GNB1: variants seen among roughly 807,000 people sequenced by gnomAD.
GNB1 encodes the protein guanine nucleotide-binding protein G(I)/G(S)/G(T) subunit beta-1.
GNB1 carries 2 observed loss-of-function variants against 42.9 expected under a neutral mutation model. That is an observed-to-expected ratio of 0.05 (90% CI 0.02 to 0.15). GNB1 has a LOEUF of 0.15. Among genes scored for constraint, GNB1 ranks in the 10% least tolerant of loss-of-function variants. GNB1 has a pLI of 1.00. For missense variants in GNB1, 193 were observed against 462.2 expected, an observed-to-expected ratio of 0.42 and a Z score of 5.34; for synonymous variants, 183 against 174.7, an observed-to-expected ratio of 1.05 and a Z score of -0.38.
At chr1:1,843,393 A>T (rs1048420095) in intron 1 of GNB1, among the ~76,000 whole-genome samples, 10 of 151,734 alleles carry the variant, frequency 6.6e-5, no homozygotes, top group Admixed American at 2.0e-4. Context: ...CTAATTAAAA[A>T]ATATATATAT....
At chr1:1,789,397 A>C in intron 9 of GNB1, 128 bp from the exon 10 acceptor site, 1 of 643,126 alleles carries the variant, frequency 1.6e-6, no homozygotes, top group Non-Finnish European at 2.8e-6. Flanking sequence ...TGCTCTGGTA[A>C]GAACAGAGGG....
chr1:1,805,518 A>G (rs1441042978), intron 6 of GNB1, among the ~76,000 whole-genome samples: 1 of 152,092 alleles, frequency 6.6e-6, no homozygotes, highest in Admixed American at 6.6e-5. Context: ...ATCCTGTCAA[A>G]TGGCTATGAA....
At chr1:1,847,655 G>A (rs551521018) in intron 1 of GNB1, among the ~76,000 whole-genome samples, 24 of 152,320 alleles carry the variant, frequency 1.6e-4, no homozygotes, top group African/African-American at 5.5e-4. Context: ...AGAAAAAGCT[G>A]TGAAGGCCAT....
intron 5 of GNB1, among the ~76,000 whole-genome samples, chr1:1,810,535 CAAA>C (rs1213355902): frequency 0.016 from 1,136 of 73,122 alleles, 13 homozygotes; most frequent in African/African-American, 0.055. Context: ...GACCCAGTCT[CAAA>C]AAAAAAAAAA....
rs954288793 is a variant in GNB1, at chr1:1,793,163, C to T, written c.497+82G>A. ...GATGGCCTAATATTATGTCAAGAAC[C>T]TTATTTCCTCCATGTTCACAGAGGA... is the stretch of plus-strand genomic sequence containing the variant. On this transcript the variant is annotated intron_variant, in intron 8 of 11. Transcript: ENST00000378609. The T allele has an allele frequency of 1.1e-5, 9 of 801,084 alleles. No individual in the cohort carries two copies. In the African/African-American group the frequency reaches 1.2e-4, roughly 11 times the overall value. The allele number at this position is 801,084 out of a possible 1,614,324, so 49.6% of individuals were successfully genotyped here. A position where few individuals can be genotyped will look rare whatever the true frequency, so the allele number is the denominator to read the frequency against.
chr1:1,821,194 G>T (rs1208750430), intron 3 of GNB1, among the ~76,000 whole-genome samples: 1 of 152,168 alleles, frequency 6.6e-6, no homozygotes, highest in East Asian at 1.9e-4. Flanking sequence ...TTTGGACCGG[G>T]CATCCATTGC....
intron 1 of GNB1, among the ~76,000 whole-genome samples, chr1:1,861,171 G>C (rs945067409): frequency 6.7e-6 from 1 of 149,424 alleles, no homozygotes; most frequent in Admixed American, 6.7e-5. Flanking sequence ...ACAAAACCCA[G>C]CACAGCTGCG....
chr1:1,818,795 G>A (rs964568599), intron 3 of GNB1, among the ~76,000 whole-genome samples: 25 of 152,080 alleles, frequency 1.6e-4, no homozygotes, highest in African/African-American at 5.3e-4. Flanking sequence ...CCCGGGAGGC[G>A]GAGGTTGCAG....
chr1:1,824,870 C>T (rs969292145), intron 3 of GNB1: 5 of 152,206 alleles, frequency 3.3e-5, no homozygotes, highest in African/African-American at 9.7e-5. Context: ...CCCCCACACC[C>T]GGCCTCTATC....
intron 1 of GNB1, among the ~76,000 whole-genome samples, chr1:1,874,965 C>T (rs995770796): frequency 3.9e-5 from 6 of 152,180 alleles, no homozygotes; most frequent in African/African-American, 1.4e-4. Flanking sequence ...CTCAGATCAT[C>T]AGGCATTAGA....
chr1:1,849,687 C>T (rs1647875114), intron 1 of GNB1, among the ~76,000 whole-genome samples: 1 of 152,148 alleles, frequency 6.6e-6, no homozygotes, highest in South Asian at 2.1e-4. Flanking sequence ...AGGTATGACC[C>T]ACCATGCCTG....
intron 1 of GNB1, among the ~76,000 whole-genome samples, chr1:1,857,429 C>A (rs1384235081): frequency 6.6e-6 from 1 of 152,174 alleles, no homozygotes; most frequent in Non-Finnish European, 1.5e-5. Context: ...TAAATCACAG[C>A]AATCATCAAA....
chr1:1,849,127 A>G lies in GNB1; in HGVS notation c.-95-9889T>C, dbSNP rs927610431. Among the ~76,000 whole-genome samples, 13 of 152,322 alleles carry G rather than the reference A, an allele frequency of 8.5e-5. No individual in the cohort carries two copies. The East Asian group carries it at 1.5e-3, about 18-fold the overall frequency. On this transcript the variant is annotated intron_variant, in intron 1 of 11. Coordinates refer to ENST00000378609, the MANE Select transcript of GNB1 (RefSeq NM_002074.5). ...ATTGTGCCCAAGTAACAAAGCCCCA[A>G]TAAAAACTCTCAACACCAAGGCTCA...
At chr1:1,789,365 C>T in intron 9 of GNB1, 96 bp from the exon 10 acceptor site, 1 of 723,908 alleles carries the variant, frequency 1.4e-6, no homozygotes, top group Admixed American at 2.1e-5. Context: ...GAGAACACAG[C>T]AGGCAAAGAC....
At chr1:1,827,142 A>T (rs1647009867) in intron 2 of GNB1, among the ~76,000 whole-genome samples, 1 of 152,226 alleles carries the variant, frequency 6.6e-6, no homozygotes, top group African/African-American at 2.4e-5. Context: ...CATCTGTGGG[A>T]AACTATCCGA....
At chr1:1,866,186 C>T (rs547357502) in intron 1 of GNB1, among the ~76,000 whole-genome samples, 3 of 152,354 alleles carry the variant, frequency 2.0e-5, no homozygotes, top group East Asian at 1.9e-4. Flanking sequence ...GTGATCCACC[C>T]GCCTTGGTCT....
intron 1 of GNB1, among the ~76,000 whole-genome samples, chr1:1,850,441 A>G (rs1647920951): frequency 6.6e-6 from 1 of 151,438 alleles, no homozygotes. Context: ...CCTAAATGCT[A>G]TTTTTGTTCT....
chr1:1,843,490 G>A (rs1347857805), intron 1 of GNB1, among the ~76,000 whole-genome samples: 1 of 152,098 alleles, frequency 6.6e-6, no homozygotes, highest in Non-Finnish European at 1.5e-5. Flanking sequence ...GCCTTCCACG[G>A]TGCTGGGATT....
rs756651439 is a variant in GNB1, at chr1:1,785,992, T to C, written c.*1071A>G. 2.5e-6 allele frequency: 1 copy of C among 398,762 alleles called. No homozygotes were observed. Among genetic ancestry groups the C allele is most frequent in the African/African-American group, 2.1e-5 (1 of 48,596 alleles). The allele number at this position is 398,762 out of a possible 1,614,324, so 24.7% of individuals were successfully genotyped here. A position where few individuals can be genotyped will look rare whatever the true frequency, so the allele number is the denominator to read the frequency against. ...GAACACCTAAGGACTGAGTCCCATA[T>C]GCACTTTTGAGCATTTCTACAGCAT... On this transcript the variant is annotated 3_prime_UTR_variant, in exon 12 of 12. Transcript: ENST00000378609.
Sources: gnomAD v4.1 joint callset for allele counts (sites outside exome capture counted in the v4.1 genomes callset) on GRCh38, gnomAD v4.1.1 for gene constraint, MANE v1.5 for transcripts, NCBI Gene and HGNC (gene_info 2026-07-23, HGNC 2026-07-21) for gene names.